Variants in SRRD observed in about 807,000 individuals in gnomAD.
SRRD encodes SRR1-like protein.
In SRRD, 28 loss-of-function variants were observed where a neutral mutation model predicts 30.7. The ratio of observed to expected loss-of-function variants is 0.91; its 90% CI spans 0.68 to 1.25. The LOEUF (loss-of-function observed/expected upper bound fraction) is 1.25, where lower values mean the gene tolerates loss of function less well. Ranked by LOEUF, SRRD falls within the 50% of genes most tolerant of loss-of-function variation. The probability of loss-of-function intolerance (pLI) is 0.00; values close to 1 mark genes in which losing one functional copy is unlikely to be tolerated. For missense variants in SRRD, 415 were observed against 417.3 expected (o/e 0.99, Z 0.05); for synonymous variants, 161 against 159.6 (o/e 1.01, Z -0.07).
Position 26,484,115 on chromosome 22 carries a change from G to A in SRRD, c.209+16G>A, listed in dbSNP as rs2091632257. 5.2e-6 allele frequency: 8 copies of A among 1,526,598 alleles called. No homozygotes were observed. Among genetic ancestry groups the A allele is most frequent in the Non-Finnish European group, 7.0e-6 (8 of 1,142,450 alleles). 94.6% of individuals were successfully genotyped at this position (1,526,598 alleles called of 1,614,324 possible). ...GGGAGGCTGAGTGAGTGCAGGCTCG[G>A]CCCTGATGGAATCTTTGCGCCCATG... On this transcript the variant is annotated intron_variant, in intron 1 of 6. Transcript: ENST00000215917.
chr22:26,488,550 C>T, intron 4 of SRRD, 62 bp downstream of exon 4: 1 of 1,287,576 alleles, frequency 7.8e-7, no homozygotes. Context: ...CACCCCAGGC[C>T]CTGCCTGTGG....
intron 5 of SRRD, among the ~76,000 whole-genome samples, chr22:26,490,559 C>CTTTTTTTTCTTTTTTTT (rs1921028050): frequency 3.9e-5 from 2 of 51,834 alleles, no homozygotes; most frequent in African/African-American, 7.3e-5. Flanking sequence ...GGAATATTTG[C>CTTTTTTTTCTTTTTTTT]TTTTTTTTTT....
At chr22:26,490,271 A>G in intron 5 of SRRD, 73 bp downstream of exon 5, 6 of 1,546,044 alleles carry the variant, frequency 3.9e-6, no homozygotes, top group Non-Finnish European at 5.3e-6. Flanking sequence ...CCACATGCAG[A>G]AAACATTTCC....
In SRRD at chr22:26,492,626, G is replaced by A. The variant is rs1347998266; in HGVS notation, c.*954G>A. On this transcript the variant is annotated 3_prime_UTR_variant, in exon 7 of 7. Transcript: ENST00000215917. The stretch of plus-strand genomic sequence containing the variant: ...ATTTTAAAATGAAGTATCTGCAAGG[G>A]ATTTCTTCCTTCAGAGCTGGAAACA... 8.7e-6 allele frequency: 4 copies of A among 462,398 alleles called. No individual in the cohort carries two copies. Among genetic ancestry groups the A allele is most frequent in the African/African-American group, 7.8e-5 (4 of 51,040 alleles). 28.6% of individuals were successfully genotyped at this position (462,398 alleles called of 1,614,324 possible).
chr22:26,489,984 C>T (rs1920990390), intron 4 of SRRD, 60 bp from the exon 5 acceptor site: 2 of 1,585,432 alleles, frequency 1.3e-6, no homozygotes, highest in Non-Finnish European at 1.7e-6. Flanking sequence ...ACCTCTCCCT[C>T]ACCTTGCTGT....
rs2091605353 is a variant in SRRD at position 26,483,931 on chromosome 22, C to T, written c.41C>T (p.Ala14Val). 1.5e-6 allele frequency: 2 copies of T among 1,351,456 alleles called. No individual in the cohort carries two copies. The highest frequency in any genetic ancestry group is 1.9e-6 in the Non-Finnish European group (2 of 1,062,702). The allele number at this position is 1,351,456 out of a possible 1,614,324, so 83.7% of individuals were successfully genotyped here. A position where few individuals can be genotyped will look rare whatever the true frequency, so the allele number is the denominator to read the frequency against. ...GCTGCGGCGCTGGAATCCTGGCAGGCGGCGGCTCCGCGGAAGAGGCGCTCC... is the reference window on the plus strand; with the variant it reads ...GCTGCGGCGCTGGAATCCTGGCAGGTGGCGGCTCCGCGGAAGAGGCGCTCC... ...AAAAALESWQ[A>V]AAPRKRRSAA... Residue 14 changes from alanine (A) to valine (V), a missense_variant, in exon 1 of 7, where the codon GCG becomes GTG. Physicochemically the swap from Ala to Val is moderately conservative, Grantham distance 64. Transcript: ENST00000215917.
At chr22:26,490,901 T>A (rs2147111652) in intron 5 of SRRD, 124 bp from the exon 6 acceptor site, 1 of 907,284 alleles carries the variant, frequency 1.1e-6, no homozygotes, top group African/African-American at 1.7e-5. Flanking sequence ...AGTTTTTTCC[T>A]GAATTCTTAC....
In SRRD at chr22:26,483,989, GCC is replaced by G; in HGVS notation, c.102_103del (p.Arg35GlyfsTer23). 2.2e-5 allele frequency: 1 copy of G among 44,546 alleles called. No homozygotes were observed. The highest frequency in any genetic ancestry group is 3.3e-5 in the Non-Finnish European group (1 of 30,494). 2.8% of individuals were successfully genotyped at this position (44,546 alleles called of 1,614,324 possible). ...ARRPRRREAA[P>X]RGREAAPRGR... is the part of the protein sequence containing the mutation. ...GACGGCCGCGGCGGAGGGAGGCGGCGCCCCGGGGGAGAGAGGCGGCGCCCCGG... is the reference window on the plus strand; with the variant it reads ...GACGGCCGCGGCGGAGGGAGGCGGCGCCGGGGGAGAGAGGCGGCGCCCCGG... On this transcript the variant is annotated frameshift_variant, in exon 1 of 7. Coordinates refer to ENST00000215917, the MANE Select transcript of SRRD (RefSeq NM_001013694.3). LOFTEE classifies it high-confidence loss of function.
rs1227628237 is a variant in SRRD, at chr22:26,483,910, C to T, written c.20C>T (p.Ala7Val). 9 of 1,347,806 alleles carry T rather than the reference C, an allele frequency of 6.7e-6. No individual in the cohort carries two copies. The African/African-American group carries it at 1.1e-4, about 16-fold the overall frequency. The allele number at this position is 1,347,806 out of a possible 1,614,324, so 83.5% of individuals were successfully genotyped here. Residue 7 changes from alanine (A) to valine (V), a missense_variant, in exon 1 of 7, where the codon GCG (alanine) becomes GTG (valine). Transcript: ENST00000215917. ...AGACCAATGGCTGCGGCCGCAGCTG[C>T]GGCGCTGGAATCCTGGCAGGCGGCG... MAAAAA[A>V]ALESWQAAAP... is the part of the protein sequence containing the mutation.
Position 26,492,407 on chromosome 22 carries a change from T to A in SRRD, c.*735T>A. 2 of 1,590,856 alleles carry A rather than the reference T, an allele frequency of 1.3e-6. No individual in the cohort carries two copies. Among genetic ancestry groups the A allele is most frequent in the Non-Finnish European group, 1.7e-6 (2 of 1,162,496 alleles). On this transcript the variant is annotated 3_prime_UTR_variant, in exon 7 of 7. Transcript: ENST00000215917. ...GGACAGGGCGGTGAGGAGAGGTGTT[T>A]CCAGGTGTATGGAAGTTGACACTGT...
chr22:26,488,619 G>A lies in SRRD; in HGVS notation c.609+131G>A, dbSNP rs1221743612. 5.2e-5 allele frequency: 36 copies of A among 694,116 alleles called. 1 individual carries two copies. In the East Asian group the frequency reaches 9.3e-4, roughly 18 times the overall value. 43.0% of individuals were successfully genotyped at this position (694,116 alleles called of 1,614,324 possible). ...CTCTTACCGCCTGCTCACTTTTGTA[G>A]TGCCTGAACGATGTAACCAGCCAAT... is the stretch of plus-strand genomic sequence containing the variant. On this transcript the variant is annotated intron_variant, in intron 4 of 6. Transcript: ENST00000215917.
intron 1 of SRRD, among the ~76,000 whole-genome samples, chr22:26,485,484 C>T (rs558698179): frequency 1.3e-5 from 2 of 152,248 alleles, no homozygotes; most frequent in East Asian, 1.9e-4. Context: ...GTCTGTAAAA[C>T]CAGTTGACTT....
At chr22:26,490,421 A>G (rs2147110717) in intron 5 of SRRD, among the ~76,000 whole-genome samples, 1 of 152,182 alleles carries the variant, frequency 6.6e-6, no homozygotes, top group South Asian at 2.1e-4. Context: ...ATTATGATAC[A>G]CAGAAATGGT....
Position 26,493,847 on chromosome 22 carries a change from A to G in SRRD, c.*2175A>G. 1.1e-5 allele frequency: 4 copies of G among 374,230 alleles called. No homozygotes were observed. Among genetic ancestry groups the G allele is most frequent in the South Asian group, 1.1e-4 (4 of 37,908 alleles). The allele number at this position is 374,230 out of a possible 1,614,324, so 23.2% of individuals were successfully genotyped here. ...ATGAATGAGCCTTAAAAGGCCACAC[A>G]GCACAGTGGTTAAGAGGGCGGGGCC... is the stretch of plus-strand genomic sequence containing the variant. On this transcript the variant is annotated 3_prime_UTR_variant, in exon 7 of 7. Transcript: ENST00000215917.
At position 26,492,427 on chromosome 22, in the gene SRRD, C is replaced by CA. The variant is rs1308282797; in HGVS notation, c.*756dup. 1 of 1,529,454 alleles carries CA rather than the reference C, an allele frequency of 6.5e-7. No individual in the cohort carries two copies. Among genetic ancestry groups the CA allele is most frequent in the Non-Finnish European group, 9.0e-7 (1 of 1,113,854 alleles). 94.7% of individuals were successfully genotyped at this position (1,529,454 alleles called of 1,614,324 possible). A position where few individuals can be genotyped will look rare whatever the true frequency, so the allele number is the denominator to read the frequency against. On this transcript the variant is annotated 3_prime_UTR_variant, in exon 7 of 7. Coordinates refer to ENST00000215917, the MANE Select transcript of SRRD (RefSeq NM_001013694.3). ...GTGTTTCCAGGTGTATGGAAGTTGA[C>CA]ACTGTGGCTTGGCCCAGGTCTTGGG...
intron 2 of SRRD, among the ~76,000 whole-genome samples, chr22:26,486,322 G>C (rs2091708452): frequency 6.6e-6 from 1 of 152,148 alleles, no homozygotes; most frequent in African/African-American, 2.4e-5. Context: ...GGCAATAAAT[G>C]TTGTCATTAT....
rs181762685 is a variant in SRRD, at chr22:26,493,397, A to C, written c.*1725A>C. ...CAGTTCTAACTGCCACCCTTTAACT[A>C]TGTGACCTTGAACAGGCTCTCAGCC... On this transcript the variant is annotated 3_prime_UTR_variant, in exon 7 of 7. Coordinates refer to ENST00000215917, the MANE Select transcript of SRRD (RefSeq NM_001013694.3). 6.6e-6 allele frequency: 1 copy of C among 152,396 alleles called. No individual in the cohort carries two copies. The highest frequency in any genetic ancestry group is 1.9e-4 in the East Asian group (1 of 5,198). The allele number at this position is 152,396 out of a possible 1,614,324, so 9.4% of individuals were successfully genotyped here.
intron 2 of SRRD, among the ~76,000 whole-genome samples, chr22:26,487,429 G>A (rs376586309): frequency 5.3e-5 from 8 of 151,656 alleles, no homozygotes; most frequent in Non-Finnish European, 7.4e-5. Context: ...GTGTGATCTC[G>A]GCTAACTGCA....
rs1375249384 is a variant in SRRD at position 26,491,563 on chromosome 22, A to T, written c.911A>T (p.Glu304Val). ...SVHWFPVQKLEQLSIDIWEFR... is the reference protein window; with the variant it reads ...SVHWFPVQKLVQLSIDIWEFR... ...CACTGGTTCCCTGTGCAAAAGCTAGAACAGCTCTCCATAGATATTTGGGAG... is the reference window on the plus strand; with the variant it reads ...CACTGGTTCCCTGTGCAAAAGCTAGTACAGCTCTCCATAGATATTTGGGAG... The change falls in exon 7 of 7, where the codon GAA becomes GTA. Residue 304 changes from glutamate (E) to valine (V), a missense_variant. By Grantham distance (121) the Glu-to-Val change is moderately radical (BLOSUM62 -2). Transcript: ENST00000215917. 2 of 1,614,210 alleles carry T rather than the reference A, an allele frequency of 1.2e-6. No individual in the cohort carries two copies. Among genetic ancestry groups the T allele is most frequent in the Non-Finnish European group, 1.7e-6 (2 of 1,180,014 alleles).
Sources: allele counts gnomAD v4.1 joint callset (sites outside exome capture counted in the v4.1 genomes callset), GRCh38; gene constraint gnomAD v4.1.1; transcripts MANE v1.5; gene names NCBI Gene and HGNC (gene_info 2026-07-23, HGNC 2026-07-21).